Variants in NXPE2 observed in about 807,000 individuals in gnomAD.
The protein encoded by NXPE2 is neurexophilin and PC-esterase domain family member 2, also known as NXPE family member 2.
Under a neutral mutation model 34.4 loss-of-function variants are expected in NXPE2, and 34 were observed. The ratio of observed to expected loss-of-function variants is 0.99; its 90% CI spans 0.75 to 1.31. The LOEUF is 1.31. Among genes scored for constraint, NXPE2 ranks in the 40% most tolerant of loss-of-function variants. NXPE2 has a pLI of 0.00. For missense variants in NXPE2, 649 were observed against 672.5 expected, an observed-to-expected ratio of 0.97 and a Z score of 0.39; for synonymous variants, 235 against 231.3, an observed-to-expected ratio of 1.02 and a Z score of -0.15.
At chr11:114,724,962 G>A in the NXPE2 span, among the ~76,000 whole-genome samples, 1 of 143,896 alleles carries the variant, frequency 6.9e-6, no homozygotes, top group Non-Finnish European at 1.5e-5. Flanking sequence ...TAGGCTTTAG[G>A]TAGAGTCTGG....
At chr11:114,756,393 G>C in the NXPE2 span, among the ~76,000 whole-genome samples, 1 of 151,866 alleles carries the variant, frequency 6.6e-6, no homozygotes, top group African/African-American at 2.4e-5. Flanking sequence ...AATGAAAAAA[G>C]GTAAAATTAT....
chr11:114,686,933 G>A (rs1370906755), intron 2 of NXPE2, among the ~76,000 whole-genome samples: 1 of 152,030 alleles, frequency 6.6e-6, no homozygotes, highest in African/African-American at 2.4e-5. Context: ...ATCTGTTAGT[G>A]TCCTTCACCT....
At chr11:114,692,973 T>G (rs1398467395) in intron 2 of NXPE2, among the ~76,000 whole-genome samples, 1 of 152,200 alleles carries the variant, frequency 6.6e-6, no homozygotes, top group Non-Finnish European at 1.5e-5. Flanking sequence ...ATCCCTCCAA[T>G]TTCTCTATTA....
the NXPE2 span, chr11:114,531,044 A>G: frequency 1.1e-6 from 1 of 927,258 alleles, no homozygotes; most frequent in East Asian, 2.8e-5. Context: ...AATATTTGGT[A>G]ATAAAGTGGC....
the NXPE2 span, among the ~76,000 whole-genome samples, chr11:114,555,279 A>G: frequency 6.6e-6 from 1 of 152,064 alleles, no homozygotes; most frequent in African/African-American, 2.4e-5. Context: ...GCTGGAGTAC[A>G]GTGGTGAGAT....
the NXPE2 span, among the ~76,000 whole-genome samples, chr11:114,649,132 T>C: frequency 3.7e-5 from 3 of 80,282 alleles, no homozygotes; most frequent in South Asian, 9.6e-4. Flanking sequence ...GCTTGTCATG[T>C]TTTTTTTTTT....
At chr11:114,627,066 G>A in the NXPE2 span, among the ~76,000 whole-genome samples, 55 of 152,040 alleles carry the variant, frequency 3.6e-4, no homozygotes, top group African/African-American at 1.3e-3. Flanking sequence ...AAGTGACGGG[G>A]TGAATGGAAC....
chr11:114,532,348 C>G, the NXPE2 span, among the ~76,000 whole-genome samples: 1 of 152,004 alleles, frequency 6.6e-6, no homozygotes, highest in Non-Finnish European at 1.5e-5. Flanking sequence ...CCCAAAAGAA[C>G]CTTTTGGTTC....
the NXPE2 span, among the ~76,000 whole-genome samples, chr11:114,503,544 T>TA: frequency 1.0e-4 from 15 of 150,526 alleles, no homozygotes; most frequent in South Asian, 4.2e-4. Flanking sequence ...AGTTGATGAC[T>TA]AAAAAAAAAC....
At chr11:114,747,109 A>C in the NXPE2 span, among the ~76,000 whole-genome samples, 1 of 152,098 alleles carries the variant, frequency 6.6e-6, no homozygotes, top group Non-Finnish European at 1.5e-5. Context: ...CCTTCCCTCT[A>C]TCCAGATTCC....
At chr11:114,616,407 C>T in the NXPE2 span, among the ~76,000 whole-genome samples, 79 of 151,490 alleles carry the variant, frequency 5.2e-4, 1 homozygote, top group East Asian at 2.1e-3. Flanking sequence ...CGTGGGTAAC[C>T]GGTGTTACCT....
the NXPE2 span, among the ~76,000 whole-genome samples, chr11:114,768,641 G>T: frequency 6.6e-6 from 1 of 152,124 alleles, no homozygotes; most frequent in African/African-American, 2.4e-5. Flanking sequence ...CTTGTAAGTT[G>T]TATTCCTAGG....
the NXPE2 span, among the ~76,000 whole-genome samples, chr11:114,795,295 T>C: frequency 1.4e-3 from 207 of 152,312 alleles, no homozygotes; most frequent in African/African-American, 4.5e-3. Context: ...ATTTCAGAGA[T>C]GGGATTCATT....
At chr11:114,517,895 T>G in the NXPE2 span, 1 of 152,418 alleles carries the variant, frequency 6.6e-6, no homozygotes, top group South Asian at 2.1e-4. Flanking sequence ...TTGCATCTGC[T>G]AGTCCTCCTC....
At chr11:114,735,465 C>G in the NXPE2 span, among the ~76,000 whole-genome samples, 5 of 152,124 alleles carry the variant, frequency 3.3e-5, no homozygotes, top group Non-Finnish European at 7.4e-5. Context: ...AATCACTTAA[C>G]CTCTCTGAGT....
the NXPE2 span, among the ~76,000 whole-genome samples, chr11:114,631,281 C>G: frequency 6.6e-6 from 1 of 151,662 alleles, no homozygotes; most frequent in Non-Finnish European, 1.5e-5. Flanking sequence ...CCAAAATGTC[C>G]AACAATGATA....
the NXPE2 span, among the ~76,000 whole-genome samples, chr11:114,471,210 C>CTTT: frequency 6.6e-6 from 1 of 152,138 alleles, no homozygotes; most frequent in Non-Finnish European, 1.5e-5. Flanking sequence ...CATTGCCCAG[C>CTTT]CAAAGGCATA....
chr11:114,648,233 C>T, the NXPE2 span, among the ~76,000 whole-genome samples: 1 of 151,950 alleles, frequency 6.6e-6, no homozygotes, highest in East Asian at 1.9e-4. Flanking sequence ...AAGATGGGGG[C>T]TACTCACCAG....
At chr11:114,798,037 T>C in the NXPE2 span, among the ~76,000 whole-genome samples, 1 of 152,206 alleles carries the variant, frequency 6.6e-6, no homozygotes, top group African/African-American at 2.4e-5. Flanking sequence ...CAGACTGCAA[T>C]TGTGCCCAGA....
Sources: allele counts gnomAD v4.1 joint callset (sites outside exome capture counted in the v4.1 genomes callset), GRCh38; gene constraint gnomAD v4.1.1; transcripts MANE v1.5; gene names NCBI Gene and HGNC (gene_info 2026-07-23, HGNC 2026-07-21).